The following NME7 variants were observed in gnomAD, a reference collection of about 807,000 sequenced individuals.
NME7 encodes the protein NME/NM23 family member 7.
Under a neutral mutation model 49.1 loss-of-function variants are expected in NME7, and 41 were observed. The ratio of observed to expected loss-of-function variants is 0.83; its 90% CI spans 0.65 to 1.08. NME7 has a LOEUF of 1.08. Among genes scored for constraint, NME7 ranks in the 50% least tolerant of loss-of-function variants. The pLI is 0.00. For synonymous variants in NME7, 139 were observed against 150.6 expected (o/e 0.92, Z 0.56); for missense variants, 423 against 463.4 (o/e 0.91, Z 0.80).
At chr1:169,134,932 T>C (rs1658380174) in intron 11 of NME7, among the ~76,000 whole-genome samples, 1 of 143,432 alleles carries the variant, frequency 7.0e-6, no homozygotes, top group Non-Finnish European at 1.5e-5. Flanking sequence ...CCTAACACTT[T>C]AAGAGTCTGA....
chr1:169,223,042 A>G (rs1323079959), intron 10 of NME7, among the ~76,000 whole-genome samples: 1 of 152,188 alleles, frequency 6.6e-6, no homozygotes, highest in Non-Finnish European at 1.5e-5. Context: ...CACATGCTGC[A>G]TTTAGATATC....
At chr1:169,202,089 T>C (rs1209806726) in intron 10 of NME7, among the ~76,000 whole-genome samples, 2 of 152,208 alleles carry the variant, frequency 1.3e-5, no homozygotes, top group Non-Finnish European at 2.9e-5. Context: ...CATTACTATG[T>C]TTCCCACATT....
chr1:169,312,665 T>C (rs1314752491), intron 3 of NME7, among the ~76,000 whole-genome samples: 1 of 152,136 alleles, frequency 6.6e-6, no homozygotes, highest in Non-Finnish European at 1.5e-5. Context: ...TCATATACCA[T>C]CAGGTTCTGA....
chr1:169,294,017 T>C (rs1650615664), intron 6 of NME7, among the ~76,000 whole-genome samples: 1 of 152,162 alleles, frequency 6.6e-6, no homozygotes, highest in African/African-American at 2.4e-5. Context: ...TACTATTGAT[T>C]TTTGTATACT....
rs1291180862 is a variant in NME7, at chr1:169,255,977, C to T, written c.755-18290G>A. 5.3e-5 allele frequency among the ~76,000 whole-genome samples: 7 copies of T among 133,004 alleles called. 1 individual carries two copies. The highest frequency in any genetic ancestry group is 1.8e-4 in the African/African-American group (7 of 39,280). 87.3% of individuals were successfully genotyped at this position (133,004 alleles called of 152,430 possible). A position where few individuals can be genotyped will look rare whatever the true frequency, so the allele number is the denominator to read the frequency against. On this transcript the variant is annotated intron_variant, in intron 7 of 11. Coordinates refer to ENST00000367811, the MANE Select transcript of NME7 (RefSeq NM_013330.5). ...TTCCTTTGAGGGTAACCCGACCTTT[C>T]TCTCTGGCTGCCCTTAACATTTTTA...
chr1:169,272,743 C>A (rs1649533466), intron 7 of NME7, among the ~76,000 whole-genome samples: 1 of 132,886 alleles, frequency 7.5e-6, no homozygotes, highest in African/African-American at 2.5e-5. Context: ...GTGAACCGTG[C>A]TGCAATGAAC....
intron 10 of NME7, among the ~76,000 whole-genome samples, chr1:169,207,776 G>A (rs1396233971): frequency 6.6e-6 from 1 of 152,060 alleles, no homozygotes; most frequent in Non-Finnish European, 1.5e-5. Flanking sequence ...CCAAATCAGT[G>A]CAAAGATCTG....
At chr1:169,261,324 G>C (rs2101863511) in intron 7 of NME7, among the ~76,000 whole-genome samples, 1 of 133,680 alleles carries the variant, frequency 7.5e-6, no homozygotes, top group African/African-American at 2.5e-5. Flanking sequence ...CCATGAAACT[G>C]GGTTTCATTC....
intron 1 of NME7, among the ~76,000 whole-genome samples, chr1:169,363,269 A>G (rs1363379948): frequency 6.6e-6 from 1 of 152,044 alleles, no homozygotes; most frequent in Non-Finnish European, 1.5e-5. Context: ...ATAAAATAAT[A>G]AGATAAAACA....
chr1:169,289,612 G>A (rs1018377628), intron 6 of NME7, among the ~76,000 whole-genome samples: 1 of 151,990 alleles, frequency 6.6e-6, no homozygotes, highest in Non-Finnish European at 1.5e-5. Context: ...TCTGTCTCTA[G>A]TTTAACAAAT....
chr1:169,218,624 C>T (rs1203476126), intron 10 of NME7, among the ~76,000 whole-genome samples: 1 of 149,622 alleles, frequency 6.7e-6, no homozygotes, highest in East Asian at 2.0e-4. Context: ...ATAGTATTTC[C>T]TGTTAAGGCA....
chr1:169,203,972 T>A (rs1422126653), intron 10 of NME7, among the ~76,000 whole-genome samples: 1 of 152,062 alleles, frequency 6.6e-6, no homozygotes, highest in African/African-American at 2.4e-5. Flanking sequence ...TCTTCCTTCC[T>A]CAGTCTCCCA....
chr1:169,281,262 T>C (rs766625433), intron 7 of NME7, among the ~76,000 whole-genome samples: 3 of 152,046 alleles, frequency 2.0e-5, no homozygotes, highest in Admixed American at 6.6e-5. Context: ...CTGTCCATTA[T>C]TGGTGTGTAA....
chr1:169,196,131 T>G (rs1015420994), intron 10 of NME7, among the ~76,000 whole-genome samples: 5 of 152,254 alleles, frequency 3.3e-5, no homozygotes, highest in Non-Finnish European at 5.9e-5. Context: ...TGTTTCATTG[T>G]TGTTACTGTT....
At chr1:169,340,501 TACTGCTATAAAGATA>T (rs1183033060) in intron 1 of NME7, among the ~76,000 whole-genome samples, 1 of 152,132 alleles carries the variant, frequency 6.6e-6, no homozygotes, top group African/African-American at 2.4e-5. Flanking sequence ...CAGAGTGGGG[TACTGCTATAAAGATA>T]ACCTGACAAT....
At chr1:169,185,564 G>A (rs1660042265) in intron 10 of NME7, among the ~76,000 whole-genome samples, 1 of 151,954 alleles carries the variant, frequency 6.6e-6, no homozygotes, top group Admixed American at 6.6e-5. Context: ...CTTCTTTTCT[G>A]GTCAATGAAA....
chr1:169,307,841 G>A (rs575809164), intron 4 of NME7, among the ~76,000 whole-genome samples: 9 of 152,176 alleles, frequency 5.9e-5, no homozygotes, highest in Admixed American at 2.0e-4. Flanking sequence ...CCAACATGGC[G>A]AAACTCCGTC....
chr1:169,334,934 A>T (rs1652399989), intron 1 of NME7, among the ~76,000 whole-genome samples: 1 of 152,244 alleles, frequency 6.6e-6, no homozygotes, highest in Non-Finnish European at 1.5e-5. Flanking sequence ...TCAAAAGAAG[A>T]CATTTATGTG....
intron 7 of NME7, among the ~76,000 whole-genome samples, chr1:169,264,857 T>A (rs2101867193): frequency 7.5e-6 from 1 of 133,374 alleles, no homozygotes; most frequent in South Asian, 2.3e-4. Context: ...AATAAAGACA[T>A]ATCTGAGACC....
Sources: allele counts gnomAD v4.1 joint callset (sites outside exome capture counted in the v4.1 genomes callset), GRCh38; gene constraint gnomAD v4.1.1; transcripts MANE v1.5; gene names NCBI Gene and HGNC (gene_info 2026-07-23, HGNC 2026-07-21).